The following MTMR10 variants were observed in gnomAD, a reference collection of about 807,000 sequenced individuals.
MTMR10 encodes the protein myotubularin related protein 10.
Under a neutral mutation model 88.1 loss-of-function variants are expected in MTMR10, and 56 were observed. The ratio of observed to expected loss-of-function variants is 0.64; its 90% CI spans 0.51 to 0.79. The LOEUF (loss-of-function observed/expected upper bound fraction) is 0.79, where lower values mean the gene tolerates loss of function less well. Ranked by LOEUF, MTMR10 falls within the 30% of genes least tolerant of loss-of-function variation. The probability of loss-of-function intolerance (pLI) is 0.00; values close to 1 mark genes in which losing one functional copy is unlikely to be tolerated. For missense variants in MTMR10, 883 were observed against 924.7 expected (o/e 0.95, Z 0.58); for synonymous variants, 380 against 340.9 (o/e 1.11, Z -1.26).
At chr15:30,936,741 G>T (rs1009489120), downstream of MTMR10, among the ~76,000 whole-genome samples, 1 of 152,186 alleles carries the variant, frequency 6.6e-6, no homozygotes, top group African/African-American at 2.4e-5. Flanking sequence ...CTCAGAATGT[G>T]TGCATTAGCC....
chr15:30,919,210 G>A, the MTMR10 span, among the ~76,000 whole-genome samples: 6 of 151,682 alleles, frequency 4.0e-5, no homozygotes, highest in South Asian at 6.3e-4. Flanking sequence ...GAGAAACCTC[G>A]TCTCTACTAA....
intron 9 of MTMR10, among the ~76,000 whole-genome samples, chr15:30,955,330 G>A (rs563829302): frequency 6.6e-6 from 1 of 152,276 alleles, no homozygotes; most frequent in East Asian, 1.9e-4. Context: ...GAGTGCAGTG[G>A]CACCATCTCG....
At chr15:30,927,967 C>T in the MTMR10 span, 2 of 985,794 alleles carry the variant, frequency 2.0e-6, no homozygotes, top group Non-Finnish European at 2.4e-6. Context: ...AGTGGGTGAT[C>T]TTTAAGGCCA....
At chr15:30,964,019 A>C (rs1412436389) in intron 6 of MTMR10, among the ~76,000 whole-genome samples, 1 of 151,378 alleles carries the variant, frequency 6.6e-6, no homozygotes, top group Non-Finnish European at 1.5e-5. Flanking sequence ...TTAAAAAAAA[A>C]AACCCAACAA....
chr15:30,929,703 TATATC>T, the MTMR10 span, among the ~76,000 whole-genome samples: 1 of 102,600 alleles, frequency 9.7e-6, no homozygotes, highest in East Asian at 2.3e-4. Context: ...AAATATATAT[TATATC>T]ATATATAATA....
At chr15:30,989,860 C>T (rs2031194576) in intron 2 of MTMR10, among the ~76,000 whole-genome samples, 1 of 152,122 alleles carries the variant, frequency 6.6e-6, no homozygotes, top group Admixed American at 6.5e-5. Context: ...GCTGGGATTA[C>T]AGGCATGAGC....
At chr15:30,951,701 C>T (rs1042716724) in intron 12 of MTMR10, among the ~76,000 whole-genome samples, 1 of 152,036 alleles carries the variant, frequency 6.6e-6, no homozygotes, top group African/African-American at 2.4e-5. Flanking sequence ...GGTTTCACCA[C>T]GTTGGCCAGG....
chr15:30,958,474 A>C (rs1270764339), intron 9 of MTMR10, among the ~76,000 whole-genome samples: 2 of 152,246 alleles, frequency 1.3e-5, no homozygotes, highest in Non-Finnish European at 2.9e-5. Context: ...GTGGTGGCTA[A>C]TTAAAACCAC....
the MTMR10 span, among the ~76,000 whole-genome samples, chr15:30,923,674 C>A: frequency 6.6e-6 from 1 of 152,238 alleles, no homozygotes; most frequent in Non-Finnish European, 1.5e-5. Flanking sequence ...CGAGGCCAGG[C>A]TGCCGCTGCC....
intron 1 of MTMR10, 100 bp downstream of exon 1, chr15:30,991,346 CG>C (rs2031313604): frequency 8.4e-7 from 1 of 1,192,422 alleles, no homozygotes; most frequent in South Asian, 2.1e-5. Context: ...GGCAGGGAGA[CG>C]CGCGCAGCCT....
At chr15:30,977,247 T>C (rs2030220771) in intron 2 of MTMR10, among the ~76,000 whole-genome samples, 1 of 152,238 alleles carries the variant, frequency 6.6e-6, no homozygotes, top group Non-Finnish European at 1.5e-5. Flanking sequence ...TCATTATTTA[T>C]CTGCTGGAAG....
At chr15:30,937,270 G>A (rs1310907278), downstream of MTMR10, 1 of 1,596,308 alleles carries the variant, frequency 6.3e-7, no homozygotes, top group Admixed American at 1.8e-5. Context: ...GTATGGAATT[G>A]GGGATATTTG....
the MTMR10 span, among the ~76,000 whole-genome samples, chr15:30,921,904 G>A: frequency 2.6e-5 from 4 of 152,188 alleles, no homozygotes; most frequent in African/African-American, 9.7e-5. Context: ...TGCCAACTGT[G>A]ACCAGTGCTC....
chr15:30,957,482 G>C (rs1188265806), intron 9 of MTMR10, among the ~76,000 whole-genome samples: 1 of 152,216 alleles, frequency 6.6e-6, no homozygotes, highest in Non-Finnish European at 1.5e-5. Flanking sequence ...CAGCACTTCG[G>C]TAGGCCGAGG....
At position 30,953,721 on chromosome 15, in the gene MTMR10, A is replaced by G. The variant is rs2063283024; in HGVS notation, c.1067-90T>C. ...GAGATACATCAGTTTCTAATATTTA[A>G]AAGTTAGCTTTAAGTAAATATCATG... On this transcript the variant is annotated intron_variant, in intron 10 of 15. Coordinates refer to ENST00000435680, the MANE Select transcript of MTMR10 (RefSeq NM_017762.3). The G allele has an allele frequency of 3.2e-5, 27 of 831,898 alleles. No homozygotes were observed. The South Asian group carries it at 3.9e-4, about 12-fold the overall frequency. The allele number at this position is 831,898 out of a possible 1,614,324, so 51.5% of individuals were successfully genotyped here. A position where few individuals can be genotyped will look rare whatever the true frequency, so the allele number is the denominator to read the frequency against.
At chr15:30,975,087 C>A in intron 3 of MTMR10, 84 bp from the exon 4 acceptor site, 1 of 1,029,868 alleles carries the variant, frequency 9.7e-7, no homozygotes, top group Non-Finnish European at 1.4e-6. Context: ...TGATGATAAA[C>A]TGTGACAGTT....
chr15:30,958,199 A>G (rs1422095754), intron 9 of MTMR10, among the ~76,000 whole-genome samples: 1 of 152,232 alleles, frequency 6.6e-6, no homozygotes, highest in Admixed American at 6.5e-5. Context: ...CTTCTTTAGG[A>G]AAAGAATACA....
At position 30,987,123 on chromosome 15, in the gene MTMR10, A is replaced by G. The variant is rs545289306; in HGVS notation, c.121+3654T>C. Reference sequence around the variant, plus strand: ...CTACACAAAAGCTGACTACTTTGACAGAGTACTCTATTTCAATTCCAGGCT... The same window carrying G: ...CTACACAAAAGCTGACTACTTTGACGGAGTACTCTATTTCAATTCCAGGCT... On this transcript the variant is annotated intron_variant, in intron 2 of 15. Coordinates refer to ENST00000435680, the MANE Select transcript of MTMR10 (RefSeq NM_017762.3). 3.3e-5 allele frequency among the ~76,000 whole-genome samples: 5 copies of G among 152,364 alleles called. No homozygotes were observed. The South Asian group carries it at 1.0e-3, about 32-fold the overall frequency.
intron 2 of MTMR10, among the ~76,000 whole-genome samples, chr15:30,982,539 G>C (rs908104821): frequency 1.3e-5 from 2 of 152,170 alleles, no homozygotes; most frequent in Non-Finnish European, 2.9e-5. Flanking sequence ...CTGGGCCAGG[G>C]TCTTTTAAGC....
Sources: gnomAD v4.1 joint callset for allele counts (sites outside exome capture counted in the v4.1 genomes callset) on GRCh38, gnomAD v4.1.1 for gene constraint, MANE v1.5 for transcripts, NCBI Gene and HGNC (gene_info 2026-07-23, HGNC 2026-07-21) for gene names.